Variants in BCOR observed in about 807,000 individuals in gnomAD.
The protein encoded by BCOR is BCL6 corepressor.
BCOR carries 10 observed loss-of-function variants against 86.7 expected under a neutral mutation model. That is an observed-to-expected ratio of 0.12 (90% CI 0.07 to 0.20). BCOR has a LOEUF of 0.20. BCOR is among the 10% of genes least tolerant of loss of function. BCOR has a pLI of 1.00. For missense variants in BCOR, 1,259 were observed against 1,452.1 expected (o/e 0.87, Z 2.16); for synonymous variants, 611 against 609.0 (o/e 1.00, Z -0.05).
At chrX:40,157,040 T>C (rs752402250) in intron 1 of BCOR, among the ~76,000 whole-genome samples, 141 of 113,542 alleles carry the variant, frequency 1.2e-3, no homozygotes, top group Non-Finnish European at 2.3e-3. Flanking sequence ...CGGTAACCCA[T>C]TGGCCCTGGC....
chrX:40,078,869 T>C (rs1294584110), intron 1 of BCOR, among the ~76,000 whole-genome samples: 2 of 99,415 alleles, frequency 2.0e-5, no homozygotes, highest in African/African-American at 7.5e-5. Context: ...CACATCACAT[T>C]CTAGTTTGCT....
intron 9 of BCOR, 96 bp from the exon 10 acceptor site, chrX:40,062,489 G>T: frequency 9.4e-7 from 1 of 1,069,195 alleles, no homozygotes; most frequent in South Asian, 2.0e-5. Context: ...CCTGCGTGGA[G>T]AGAGGCACTT....
intron 1 of BCOR, among the ~76,000 whole-genome samples, chrX:40,095,592 G>T (rs901311178): frequency 1.8e-5 from 2 of 112,121 alleles, no homozygotes; most frequent in African/African-American, 3.2e-5. Context: ...ACGAAAAAAG[G>T]GGGGGAAAAC....
chrX:40,086,903 C>T (rs1024213332), intron 1 of BCOR, among the ~76,000 whole-genome samples: 1 of 113,425 alleles, frequency 8.8e-6, no homozygotes, highest in Non-Finnish European at 1.9e-5. Context: ...CCTACCCCTC[C>T]GGGATCCAGC....
In BCOR at chrX:40,084,379, G is replaced by A. The variant is rs188540645; in HGVS notation, c.-40-6410C>T. 9.8e-5 allele frequency among the ~76,000 whole-genome samples: 11 copies of A among 111,957 alleles called. No homozygotes were observed. The East Asian group carries it at 3.1e-3, about 32-fold the overall frequency. Reference sequence around the variant, plus strand: ...TCTTTTCACTTTCCTTCATGGTTTTGCCACACGGGGAGTCAGGAAACCACG... The same window carrying A: ...TCTTTTCACTTTCCTTCATGGTTTTACCACACGGGGAGTCAGGAAACCACG... On this transcript the variant is annotated intron_variant, in intron 1 of 14. Coordinates refer to ENST00000378444, the MANE Select transcript of BCOR (RefSeq NM_001123385.2).
chrX:40,137,585 T>A (rs866402856), intron 1 of BCOR, among the ~76,000 whole-genome samples: 1 of 61,671 alleles, frequency 1.6e-5, no homozygotes, highest in African/African-American at 4.9e-5. Context: ...AAATAAAATA[T>A]AAAATAAAAT....
chrX:40,089,976 C>T (rs1380828720), intron 1 of BCOR, among the ~76,000 whole-genome samples: 1 of 112,053 alleles, frequency 8.9e-6, no homozygotes, highest in Admixed American at 9.4e-5. Context: ...GTCCTTTCCC[C>T]AACGTTTCTT....
intron 1 of BCOR, among the ~76,000 whole-genome samples, chrX:40,170,111 A>C (rs1258726249): frequency 1.8e-5 from 2 of 111,623 alleles, no homozygotes; most frequent in African/African-American, 6.5e-5. Context: ...TTCAAGACGC[A>C]GTAGCAGGCC....
intron 1 of BCOR, among the ~76,000 whole-genome samples, chrX:40,173,328 C>A (rs191619355): frequency 8.9e-6 from 1 of 112,198 alleles, no homozygotes. Context: ...ATACTATTAT[C>A]TACCTCGTAG....
intron 1 of BCOR, among the ~76,000 whole-genome samples, chrX:40,143,609 G>A (rs1937972363): frequency 8.9e-6 from 1 of 112,879 alleles, no homozygotes; most frequent in Non-Finnish European, 1.9e-5. Flanking sequence ...AAACTTTGGA[G>A]TAGGAAACAA....
rs756063203 is a variant in BCOR at position 40,057,316 on chromosome X, C to G, written c.4434G>C (p.Val1478=). 1 of 1,209,162 alleles carries G rather than the reference C, an allele frequency of 8.3e-7. No homozygotes were observed. The highest frequency in any genetic ancestry group is 1.1e-6 in the Non-Finnish European group (1 of 893,297). The part of the protein sequence containing the change: ...QRAARLGYEE[V]VLYCLENKIC... ...TCTTGTTCTCTAAGCAGTACAGGAC[C>G]ACTTCCTGTGGGGAGGGGAGGGAAG... is the stretch of plus-strand genomic sequence containing the variant. Residue 1478 remains valine (V), a synonymous_variant, in exon 11 of 15, where the codon GTG becomes GTC. Coordinates refer to ENST00000378444, the MANE Select transcript of BCOR (RefSeq NM_001123385.2).
At chrX:40,086,947 G>A (rs971743329) in intron 1 of BCOR, among the ~76,000 whole-genome samples, 2 of 113,576 alleles carry the variant, frequency 1.8e-5, no homozygotes, top group African/African-American at 3.2e-5. Context: ...GTTTGTCAGC[G>A]CTGTTTGTTA....
chrX:40,052,860 G>A (rs868728038), intron 14 of BCOR, among the ~76,000 whole-genome samples: 8 of 111,659 alleles, frequency 7.2e-5, no homozygotes, highest in Admixed American at 1.9e-4. Context: ...CACCGTGCCC[G>A]GCCATCGCCA....
chrX:40,112,813 G>A (rs1024760454), intron 1 of BCOR, among the ~76,000 whole-genome samples: 4 of 111,311 alleles, frequency 3.6e-5, no homozygotes, highest in African/African-American at 1.3e-4. Context: ...GTGGTGAGCA[G>A]GACAAATGTC....
chrX:40,122,645 C>T (rs1434620164), intron 1 of BCOR, among the ~76,000 whole-genome samples: 1 of 111,951 alleles, frequency 8.9e-6, no homozygotes, highest in Non-Finnish European at 1.9e-5. Context: ...TCGGCTCCTT[C>T]TTCCCATGCC....
intron 14 of BCOR, among the ~76,000 whole-genome samples, chrX:40,053,511 C>T (rs1283613923): frequency 8.9e-6 from 1 of 112,134 alleles, no homozygotes; most frequent in Non-Finnish European, 1.9e-5. Flanking sequence ...CCGTACATCT[C>T]AAAACATCCT....
chrX:40,067,607 CAAG>C (rs1935267936), intron 6 of BCOR, among the ~76,000 whole-genome samples: 1 of 111,461 alleles, frequency 9.0e-6, no homozygotes, highest in Non-Finnish European at 1.9e-5. Context: ...TGTCCGCTCT[CAAG>C]AAGATCTTTC....
intron 1 of BCOR, among the ~76,000 whole-genome samples, chrX:40,148,732 C>A (rs1181714745): frequency 9.0e-6 from 1 of 111,148 alleles, no homozygotes; most frequent in East Asian, 2.8e-4. Flanking sequence ...GCCTCACCAC[C>A]AGCGCTGTGA....
chrX:40,076,133 A>T (rs1339801146), intron 3 of BCOR, among the ~76,000 whole-genome samples: 1 of 112,417 alleles, frequency 8.9e-6, no homozygotes, highest in Non-Finnish European at 1.9e-5. Context: ...TTTACTGGAA[A>T]GGTAAACCCT....
Sources: allele counts gnomAD v4.1 joint callset (sites outside exome capture counted in the v4.1 genomes callset), GRCh38; gene constraint gnomAD v4.1.1; transcripts MANE v1.5; gene names NCBI Gene and HGNC (gene_info 2026-07-23, HGNC 2026-07-21).